Variants in UGT2A3 observed in about 807,000 individuals in gnomAD.
The protein encoded by UGT2A3 is UDP glucuronosyltransferase family 2 member A3.
Under a neutral mutation model 44.1 loss-of-function variants are expected in UGT2A3, and 55 were observed. The ratio of observed to expected loss-of-function variants is 1.25; its 90% CI spans 1.00 to 1.56. UGT2A3 has a LOEUF of 1.56. Among genes scored for constraint, UGT2A3 ranks in the 40% most tolerant of loss-of-function variants. The probability of loss-of-function intolerance (pLI) is 0.00; values close to 1 mark genes in which losing one functional copy is unlikely to be tolerated. For synonymous variants in UGT2A3, 243 were observed against 215.1 expected, an observed-to-expected ratio of 1.13 and a Z score of -1.13; for missense variants, 733 against 621.6, an observed-to-expected ratio of 1.18 and a Z score of -1.91.
intron 1 of UGT2A3, among the ~76,000 whole-genome samples, chr4:68,946,353 C>A (rs1174106601): frequency 6.6e-6 from 1 of 151,524 alleles, no homozygotes; most frequent in Non-Finnish European, 1.5e-5. Flanking sequence ...TTTTTAAGGT[C>A]ATCACATTTT....
At chr4:68,931,550 T>C (rs1364009684) in intron 3 of UGT2A3, among the ~76,000 whole-genome samples, 1 of 152,106 alleles carries the variant, frequency 6.6e-6, no homozygotes, top group Admixed American at 6.6e-5. Flanking sequence ...TATTTTTATA[T>C]AAGAATTAAA....
intron 5 of UGT2A3, among the ~76,000 whole-genome samples, 171 bp downstream of exon 5, chr4:68,930,375 A>T (rs555557646): frequency 2.0e-5 from 3 of 152,220 alleles, no homozygotes; most frequent in Non-Finnish European, 4.4e-5. Flanking sequence ...AGAAAGTTTG[A>T]CACTCTATGA....
rs1717626942 is a variant in UGT2A3 at position 68,929,222 on chromosome 4, A to C, written c.*591T>G. 1 of 152,142 alleles carries C rather than the reference A, an allele frequency of 6.6e-6. No individual in the cohort carries two copies. Among genetic ancestry groups the C allele is most frequent in the Admixed American group, 6.6e-5 (1 of 15,254 alleles). The allele number at this position is 152,142 out of a possible 1,614,324, so 9.4% of individuals were successfully genotyped here. On this transcript the variant is annotated 3_prime_UTR_variant, in exon 6 of 6. Coordinates refer to ENST00000251566, the MANE Select transcript of UGT2A3 (RefSeq NM_024743.4). ...AAAGTATTGGTTGAGTGATGGCAGA[A>C]ATGTAGGCCATGACATCTAGATGAG...
chr4:68,938,265 T>A (rs191231283), intron 2 of UGT2A3, among the ~76,000 whole-genome samples: 1 of 152,096 alleles, frequency 6.6e-6, no homozygotes, highest in East Asian at 1.9e-4. Flanking sequence ...AAAGAGAATT[T>A]TAGACCAATA....
chr4:68,951,186 A>ACATAGG lies in UGT2A3; in HGVS notation c.569_574dup (p.Tyr191_Val192insAlaTyr). The ACATAGG allele has an allele frequency of 6.2e-7, 1 of 1,612,182 alleles. No homozygotes were observed. Among genetic ancestry groups the ACATAGG allele is most frequent in the Non-Finnish European group, 8.5e-7 (1 of 1,179,054 alleles). ...TGTTAGTCCTGTCATAGGCACAGGT[A>ACATAGG]CATAGGAAAGTGGAGCTGGAAGTTT... On this transcript the variant is annotated inframe_insertion, in exon 1 of 6. Transcript: ENST00000251566.
chr4:68,934,976 G>A (rs1717878342), intron 2 of UGT2A3, among the ~76,000 whole-genome samples: 1 of 151,304 alleles, frequency 6.6e-6, no homozygotes, highest in Non-Finnish European at 1.5e-5. Flanking sequence ...GAAAAATCTA[G>A]GAAAATAAAC....
At position 68,931,230 on chromosome 4, in the gene UGT2A3, A is replaced by T; in HGVS notation, c.1009T>A (p.Tyr337Asn). ...AATGTGGATGGTTTTTTTCCTTTGT[A>T]CCTCCATAACACCTACGGAAGAAAC... ...AQIPQKVLWRYKGKKPSTLGA... is the reference protein window; with the variant it reads ...AQIPQKVLWRNKGKKPSTLGA... Residue 337 changes from tyrosine (Y) to asparagine (N), a missense_variant, in exon 4 of 6, where the codon TAC (tyrosine) becomes AAC (asparagine). Transcript: ENST00000251566. 8 of 1,611,910 alleles carry T rather than the reference A, an allele frequency of 5.0e-6. No homozygotes were observed. Among genetic ancestry groups the T allele is most frequent in the Non-Finnish European group, 5.9e-6 (7 of 1,178,842 alleles).
chr4:68,934,110 CA>C (rs1186303518), intron 2 of UGT2A3, among the ~76,000 whole-genome samples: 1 of 151,390 alleles, frequency 6.6e-6, no homozygotes, highest in Non-Finnish European at 1.5e-5. Flanking sequence ...AATAATGCAC[CA>C]AAAGTTTTGA....
chr4:68,947,408 C>T (rs1718418567), intron 1 of UGT2A3, among the ~76,000 whole-genome samples: 1 of 151,556 alleles, frequency 6.6e-6, no homozygotes, highest in African/African-American at 2.4e-5. Flanking sequence ...TTAGACAAAC[C>T]TTCAGGCCCA....
In UGT2A3 at chr4:68,948,430, C is replaced by CTTTTTCTTCTTTT. The variant is rs772753904; in HGVS notation, c.715+2615_715+2616insAAAAGAAGAAAAA. On this transcript the variant is annotated intron_variant, in intron 1 of 5. Transcript: ENST00000251566. ...TGGTTGGTTTAATTTTTTTTCTTTT[C>CTTTTTCTTCTTTT]TTTTTTTTCTTTTTTTTTTTTTTTT... Among the ~76,000 whole-genome samples the CTTTTTCTTCTTTT allele has an allele frequency of 1.1e-4, 8 of 69,702 alleles. 1 individual carries two copies. The highest frequency in any genetic ancestry group is 6.2e-4 in the East Asian group (2 of 3,252). 45.7% of individuals were successfully genotyped at this position (69,702 alleles called of 152,430 possible).
Position 68,951,409 on chromosome 4 carries a change from T to C in UGT2A3, c.352A>G (p.Arg118Gly), listed in dbSNP as rs1009974181. 2 of 1,611,604 alleles carry C rather than the reference T, an allele frequency of 1.2e-6. No individual in the cohort carries two copies. Among genetic ancestry groups the C allele is most frequent in the Admixed American group, 1.7e-5 (1 of 59,554 alleles). Reference protein sequence around the residue: ...IKLNDFFVEIRGTLKMMCESF... With the variant: ...IKLNDFFVEIGGTLKMMCESF... ...TCACACATCATTTTTAAAGTTCCTC[T>C]TATTTCAACAAAAAAATCATTTAAT... Residue 118 changes from arginine to glycine, a missense_variant, in exon 1 of 6, where the codon AGA (arginine) becomes GGA (glycine). Coordinates refer to ENST00000251566, the MANE Select transcript of UGT2A3 (RefSeq NM_024743.4).
rs767693534 is a variant in UGT2A3 at position 68,951,072 on chromosome 4, C to G, written c.689G>C (p.Trp230Ser). 6.3e-7 allele frequency: 1 copy of G among 1,591,314 alleles called. No homozygotes were observed. The highest frequency in any genetic ancestry group is 2.2e-5 in the East Asian group (1 of 44,480). ...FWIQDYDYHF[W>S]EEFYSKALGR... ...TAATGCCTTACTATAAAACTCTTCCCAAAAATGATAGTCGTAATCCTGAAT... is the reference window on the plus strand; with the variant it reads ...TAATGCCTTACTATAAAACTCTTCCGAAAAATGATAGTCGTAATCCTGAAT... The change falls in exon 1 of 6, where the codon TGG becomes TCG. Residue 230 changes from tryptophan (W) to serine (S), a missense_variant. Transcript: ENST00000251566.
rs775716556 is a variant in UGT2A3, at chr4:68,932,641, T to C, written c.983A>G (p.Gln328Arg). Residue 328 changes from glutamine to arginine, a missense_variant, in exon 3 of 6, where the codon CAG becomes CGG. Physicochemically the swap from Gln to Arg is conservative, Grantham distance 43. Coordinates refer to ENST00000251566, the MANE Select transcript of UGT2A3 (RefSeq NM_024743.4). ...GGTTTTACTGACCTTCTGTGGGATC[T>C]GGGCAAGGGCTGAAGCAATGATATT... ...KANIIASALA[Q>R]IPQKVLWRYK... 6.2e-7 allele frequency: 1 copy of C among 1,608,356 alleles called. No individual in the cohort carries two copies. Among genetic ancestry groups the C allele is most frequent in the South Asian group, 1.1e-5 (1 of 90,386 alleles).
chr4:68,938,337 A>C (rs1295737396), intron 2 of UGT2A3, among the ~76,000 whole-genome samples: 1 of 152,140 alleles, frequency 6.6e-6, no homozygotes, highest in Non-Finnish European at 1.5e-5. Context: ...ATCCAGCTGC[A>C]TGTCAAAAAC....
chr4:68,944,292 A>G (rs1197955718), intron 2 of UGT2A3, among the ~76,000 whole-genome samples: 1 of 151,766 alleles, frequency 6.6e-6, no homozygotes, highest in African/African-American at 2.4e-5. Flanking sequence ...CTTGGTATAG[A>G]TTGCACACTT....
At position 68,931,176 on chromosome 4, in the gene UGT2A3, T is replaced by G; in HGVS notation, c.1063A>C (p.Ile355Leu). 1.2e-6 allele frequency: 2 copies of G among 1,612,974 alleles called. No individual in the cohort carries two copies. Among genetic ancestry groups the G allele is most frequent in the Non-Finnish European group, 1.7e-6 (2 of 1,179,302 alleles). The change falls in exon 4 of 6, where the codon ATA becomes CTA. Residue 355 changes from isoleucine (I) to leucine (L), a missense_variant. Transcript: ENST00000251566. ...CTACCAAGAAGATCATTCTGGGGTATCCAATCATACAGCCGAGTATTGGCT... is the reference window on the plus strand; with the variant it reads ...CTACCAAGAAGATCATTCTGGGGTAGCCAATCATACAGCCGAGTATTGGCT... ...LGANTRLYDWIPQNDLLGHPK... is the reference protein window; with the variant it reads ...LGANTRLYDWLPQNDLLGHPK...
At chr4:68,938,402 T>A (rs545922852) in intron 2 of UGT2A3, among the ~76,000 whole-genome samples, 2 of 152,074 alleles carry the variant, frequency 1.3e-5, no homozygotes, top group African/African-American at 4.8e-5. Flanking sequence ...TGGTTCAACA[T>A]CCACAAATCA....
intron 1 of UGT2A3, among the ~76,000 whole-genome samples, chr4:68,948,660 G>A (rs554968919): frequency 1.3e-5 from 2 of 151,476 alleles, no homozygotes; most frequent in South Asian, 4.2e-4. Flanking sequence ...CTCCATATCA[G>A]CACTGATAAT....
At chr4:68,936,888 CAA>C (rs56737078) in intron 2 of UGT2A3, among the ~76,000 whole-genome samples, 113 of 46,332 alleles carry the variant, frequency 2.4e-3, no homozygotes, top group African/African-American at 9.2e-3. Flanking sequence ...AAATGGAAAG[CAA>C]AAAAAAAAAA....
Sources: allele counts gnomAD v4.1 joint callset (sites outside exome capture counted in the v4.1 genomes callset), GRCh38; gene constraint gnomAD v4.1.1; transcripts MANE v1.5; gene names NCBI Gene and HGNC (gene_info 2026-07-23, HGNC 2026-07-21).